The following ADAM10 variants were observed in gnomAD, a reference collection of about 807,000 sequenced individuals.
ADAM10 encodes the protein ADAM metallopeptidase domain 10.
Under a neutral mutation model 90.1 loss-of-function variants are expected in ADAM10, and 17 were observed. The observed-to-expected ratio is 0.19, with a 90% CI of 0.13 to 0.28. The LOEUF (loss-of-function observed/expected upper bound fraction) is 0.28, where lower values mean the gene tolerates loss of function less well. Among genes scored for constraint, ADAM10 ranks in the 10% least tolerant of loss-of-function variants. ADAM10 has a pLI of 1.00. For missense variants in ADAM10, 610 were observed against 914.3 expected, an observed-to-expected ratio of 0.67 and a Z score of 4.29; for synonymous variants, 310 against 298.6, an observed-to-expected ratio of 1.04 and a Z score of -0.40.
chr15:58,675,042 A>AAAAATTAGC (rs1271515249), intron 4 of ADAM10, among the ~76,000 whole-genome samples: 10 of 152,222 alleles, frequency 6.6e-5, no homozygotes, highest in African/African-American at 2.4e-4. Flanking sequence ...CTAAAAATAC[A>AAAAATTAGC]AAAATTAGCT....
At chr15:58,624,295 CA>C (rs1190410875) in intron 10 of ADAM10, among the ~76,000 whole-genome samples, 2 of 151,008 alleles carry the variant, frequency 1.3e-5, no homozygotes, top group Non-Finnish European at 3.0e-5. Context: ...AAAAAAAAAG[CA>C]AAAACAAAAA....
At chr15:58,732,906 AT>A (rs1899303860) in intron 1 of ADAM10, 2 of 153,146 alleles carry the variant, frequency 1.3e-5, no homozygotes, top group African/African-American at 4.8e-5. Context: ...AGTGTTGTAA[AT>A]GTGGAAAATT....
intron 1 of ADAM10, among the ~76,000 whole-genome samples, chr15:58,739,430 C>T (rs896649151): frequency 1.3e-5 from 2 of 151,452 alleles, no homozygotes; most frequent in South Asian, 2.1e-4. Context: ...GGCAGAAGAA[C>T]GGCATGAACC....
In ADAM10 at chr15:58,647,385, G is replaced by A. The variant is rs374031923; in HGVS notation, c.586-1181C>T. Among the ~76,000 whole-genome samples, 144 of 146,386 alleles carry A rather than the reference G, an allele frequency of 9.8e-4. 3 individuals are homozygous for A. The East Asian group carries it at 0.024, about 24-fold the overall frequency. On this transcript the variant is annotated intron_variant, in intron 5 of 15. Transcript: ENST00000260408. ...ACGCCATTCTCCTGCCTCAGCCTCCGGCATAGCTGGGACTACCGGCGCCTG... is the reference window on the plus strand; with the variant it reads ...ACGCCATTCTCCTGCCTCAGCCTCCAGCATAGCTGGGACTACCGGCGCCTG...
At position 58,713,023 on chromosome 15, in the gene ADAM10, G is replaced by A. The variant is rs536832622; in HGVS notation, c.206+4554C>T. On this transcript the variant is annotated intron_variant, in intron 2 of 15. Transcript: ENST00000260408. ...TACTTAGTCATTAAGAACAATTACC[G>A]ATGAGGATGACATAGAGTATAAAAT... Among the ~76,000 whole-genome samples the A allele has an allele frequency of 2.2e-4, 33 of 152,220 alleles. 1 individual carries two copies. The South Asian group carries it at 5.6e-3, about 26-fold the overall frequency.
At chr15:58,631,619 T>C (rs181477425) in intron 9 of ADAM10, among the ~76,000 whole-genome samples, 1 of 152,252 alleles carries the variant, frequency 6.6e-6, no homozygotes, top group Admixed American at 6.5e-5. Context: ...TCTCAGGTGA[T>C]GTATATGCAC....
Position 58,749,561 on chromosome 15 carries a change from G to GCCT in ADAM10, c.-30_-28dup. 6.5e-7 allele frequency: 1 copy of GCCT among 1,547,944 alleles called. No homozygotes were observed. Among genetic ancestry groups the GCCT allele is most frequent in the Admixed American group, 2.0e-5 (1 of 50,772 alleles). ...TTCCGCTGCCGCTGCCGCCGCCGCC[G>GCCT]CCTCCTCACGGGTTAACAGCAGCAC... On this transcript the variant is annotated 5_prime_UTR_variant, in exon 1 of 16. Coordinates refer to ENST00000260408, the MANE Select transcript of ADAM10 (RefSeq NM_001110.4).
At chr15:58,681,505 G>A (rs150341452) in intron 3 of ADAM10, among the ~76,000 whole-genome samples, 178 of 152,260 alleles carry the variant, frequency 1.2e-3, no homozygotes, top group Non-Finnish European at 1.9e-3. Flanking sequence ...ACTGTCTTAA[G>A]TGAGAATCAT....
At chr15:58,742,920 A>T (rs997556971) in intron 1 of ADAM10, among the ~76,000 whole-genome samples, 6 of 152,142 alleles carry the variant, frequency 3.9e-5, no homozygotes, top group African/African-American at 1.4e-4. Flanking sequence ...TTAACCAGGC[A>T]TGGTGGCGTG....
At chr15:58,653,058 G>A (rs1896726742) in intron 5 of ADAM10, among the ~76,000 whole-genome samples, 2 of 152,040 alleles carry the variant, frequency 1.3e-5, no homozygotes, top group African/African-American at 4.8e-5. Flanking sequence ...ATTTTTGTAC[G>A]TTGATTTTGT....
intron 2 of ADAM10, among the ~76,000 whole-genome samples, chr15:58,708,177 T>C (rs1187780618): frequency 6.6e-6 from 1 of 152,104 alleles, no homozygotes; most frequent in African/African-American, 2.4e-5. Context: ...ACCAACTGTA[T>C]AAAATAACAA....
chr15:58,608,830 A>G (rs1895353138), intron 14 of ADAM10, among the ~76,000 whole-genome samples: 2 of 152,208 alleles, frequency 1.3e-5, no homozygotes, highest in Non-Finnish European at 2.9e-5. Flanking sequence ...TAGAGATAAC[A>G]GAGAAAAGTA....
At chr15:58,611,140 C>T in intron 12 of ADAM10, 33 bp from the exon 13 acceptor site, 5 of 1,501,278 alleles carry the variant, frequency 3.3e-6, no homozygotes, top group Non-Finnish European at 4.6e-6. Flanking sequence ...ATTGTTTAAT[C>T]CCTATACAGT....
intron 7 of ADAM10, among the ~76,000 whole-genome samples, 153 bp from the exon 8 acceptor site, chr15:58,641,113 A>G (rs1340547167): frequency 1.3e-5 from 2 of 152,218 alleles, no homozygotes; most frequent in Admixed American, 1.3e-4. Flanking sequence ...CACTGCCCAC[A>G]TCCCTGAGCT....
At chr15:58,661,813 TTACTC>T (rs1896974450) in intron 5 of ADAM10, among the ~76,000 whole-genome samples, 1 of 152,212 alleles carries the variant, frequency 6.6e-6, no homozygotes, top group Non-Finnish European at 1.5e-5. Flanking sequence ...TTATTTTCCT[TTACTC>T]AAGTATATTC....
At chr15:58,625,507 A>G (rs1336145022) in intron 10 of ADAM10, among the ~76,000 whole-genome samples, 2 of 152,218 alleles carry the variant, frequency 1.3e-5, no homozygotes, top group African/African-American at 4.8e-5. Flanking sequence ...GAAAACTCCA[A>G]ATGGTTGTGA....
chr15:58,610,911 AC>A (rs1379007836), intron 13 of ADAM10, 87 bp downstream of exon 13: 3 of 1,005,014 alleles, frequency 3.0e-6, no homozygotes, highest in Non-Finnish European at 4.8e-6. Context: ...ATCTGGCCAA[AC>A]TGTAGGTCAA....
chr15:58,683,353 CAT>C (rs1326628741), intron 2 of ADAM10, among the ~76,000 whole-genome samples: 17 of 152,010 alleles, frequency 1.1e-4, no homozygotes, highest in Admixed American at 4.6e-4. Flanking sequence ...AAATTTGTAA[CAT>C]AAAGTTGTAT....
At chr15:58,719,853 G>A (rs1167434116) in intron 1 of ADAM10, among the ~76,000 whole-genome samples, 1 of 152,138 alleles carries the variant, frequency 6.6e-6, no homozygotes, top group African/African-American at 2.4e-5. Flanking sequence ...TCTCTCTTAA[G>A]ACTCACAGAT....
Sources: gnomAD v4.1 joint callset for allele counts (sites outside exome capture counted in the v4.1 genomes callset) on GRCh38, gnomAD v4.1.1 for gene constraint, MANE v1.5 for transcripts, NCBI Gene and HGNC (gene_info 2026-07-23, HGNC 2026-07-21) for gene names.